TMEFF2: variants seen among roughly 807,000 people sequenced by gnomAD.
TMEFF2 encodes the protein transmembrane protein with EGF like and two follistatin like domains 2.
TMEFF2 carries 28 observed loss-of-function variants against 53.8 expected under a neutral mutation model. The ratio of observed to expected loss-of-function variants is 0.52; its 90% confidence interval spans 0.39 to 0.71. The LOEUF (loss-of-function observed/expected upper bound fraction) is 0.71, where lower values mean the gene tolerates loss of function less well. Among genes scored for constraint, TMEFF2 ranks in the 30% least tolerant of loss-of-function variants. The pLI is 0.00. For synonymous variants in TMEFF2, 162 were observed against 166.3 expected (o/e 0.97, Z 0.20); for missense variants, 353 against 455.2 (o/e 0.78, Z 2.04).
intron 4 of TMEFF2, among the ~76,000 whole-genome samples, chr2:192,137,889 A>AC (rs1190722534): frequency 4.0e-5 from 6 of 151,394 alleles, no homozygotes; most frequent in African/African-American, 1.5e-4. Context: ...TGCAACCTCC[A>AC]CCCCCACAGT....
intron 5 of TMEFF2, among the ~76,000 whole-genome samples, chr2:192,045,283 T>C (rs1174732202): frequency 1.3e-5 from 2 of 152,212 alleles, no homozygotes; most frequent in Non-Finnish European, 2.9e-5. Context: ...ATTGTTCACT[T>C]TGCTTGGGAG....
chr2:192,074,680 T>C (rs1688366384), intron 4 of TMEFF2, among the ~76,000 whole-genome samples: 1 of 151,940 alleles, frequency 6.6e-6, no homozygotes, highest in South Asian at 2.1e-4. Context: ...TTTCAACTGG[T>C]CAACAGCAAC....
chr2:191,987,509 C>T (rs1426303503), intron 7 of TMEFF2, among the ~76,000 whole-genome samples: 1 of 151,962 alleles, frequency 6.6e-6, no homozygotes, highest in Non-Finnish European at 1.5e-5. Context: ...GGGGCTCAAG[C>T]TATCCTATCA....
At chr2:192,020,748 A>C (rs1335970707) in intron 5 of TMEFF2, among the ~76,000 whole-genome samples, 1 of 152,128 alleles carries the variant, frequency 6.6e-6, no homozygotes, top group Non-Finnish European at 1.5e-5. Flanking sequence ...GCATTCCATT[A>C]AAAGTTTTTA....
chr2:191,949,456 T>A lies in TMEFF2; in HGVS notation c.*855A>T, dbSNP rs907212970. 1.3e-5 allele frequency: 13 copies of A among 985,298 alleles called. No individual in the cohort carries two copies. Among genetic ancestry groups the A allele is most frequent in the Non-Finnish European group, 1.4e-5 (12 of 829,894 alleles). The allele number at this position is 985,298 out of a possible 1,614,324, so 61.0% of individuals were successfully genotyped here. A position where few individuals can be genotyped will look rare whatever the true frequency, so the allele number is the denominator to read the frequency against. ...TACTATACATATTGTATGGTGCTTTTGAGAATTCACGATTTTGGTGTTTCA... is the reference window on the plus strand; with the variant it reads ...TACTATACATATTGTATGGTGCTTTAGAGAATTCACGATTTTGGTGTTTCA... On this transcript the variant is annotated 3_prime_UTR_variant, in exon 10 of 10. Transcript: ENST00000272771.
chr2:192,184,616 G>A lies in TMEFF2; in HGVS notation c.283-133C>T. 2.6e-6 allele frequency: 3 copies of A among 1,172,030 alleles called. No individual in the cohort carries two copies. In the South Asian group the frequency reaches 5.4e-5, roughly 21 times the overall value. The allele number at this position is 1,172,030 out of a possible 1,614,324, so 72.6% of individuals were successfully genotyped here. A position where few individuals can be genotyped will look rare whatever the true frequency, so the allele number is the denominator to read the frequency against. On this transcript the variant is annotated intron_variant, in intron 2 of 9. Transcript: ENST00000272771. Reference sequence around the variant, plus strand: ...CAATGATTCTAATTGTGTCCAATAAGTCTTTATAAGGGCATCATTGAAAGA... The same window carrying A: ...CAATGATTCTAATTGTGTCCAATAAATCTTTATAAGGGCATCATTGAAAGA...
intron 4 of TMEFF2, among the ~76,000 whole-genome samples, chr2:192,098,757 A>G (rs1237971618): frequency 2.0e-5 from 3 of 152,200 alleles, no homozygotes; most frequent in Non-Finnish European, 4.4e-5. Flanking sequence ...CAGGATGGCT[A>G]AAAGCACATC....
At chr2:192,096,071 A>G (rs1688895617) in intron 4 of TMEFF2, among the ~76,000 whole-genome samples, 1 of 152,184 alleles carries the variant, frequency 6.6e-6, no homozygotes, top group Non-Finnish European at 1.5e-5. Context: ...ACTGCTCTAC[A>G]GAACACTTAC....
chr2:192,077,765 T>C (rs1028887876), intron 4 of TMEFF2, among the ~76,000 whole-genome samples: 1 of 151,956 alleles, frequency 6.6e-6, no homozygotes, highest in Non-Finnish European at 1.5e-5. Flanking sequence ...TATGTGTTCA[T>C]ATATACTTGT....
At chr2:192,132,004 T>A (rs1485275254) in intron 4 of TMEFF2, among the ~76,000 whole-genome samples, 3 of 152,010 alleles carry the variant, frequency 2.0e-5, no homozygotes, top group Admixed American at 1.3e-4. Flanking sequence ...TCGTCCCAAA[T>A]CTTCCTTCTT....
chr2:192,036,236 T>C lies in TMEFF2; in HGVS notation c.536+21443A>G, dbSNP rs943671431. ...AGAGGTTACATTCCAGTTAAGGAGATTGCATATCCATATTTCCAGAAGTAC... is the reference window on the plus strand; with the variant it reads ...AGAGGTTACATTCCAGTTAAGGAGACTGCATATCCATATTTCCAGAAGTAC... On this transcript the variant is annotated intron_variant, in intron 5 of 9. Coordinates refer to ENST00000272771, the MANE Select transcript of TMEFF2 (RefSeq NM_016192.4). 3.3e-5 allele frequency: 5 copies of C among 152,228 alleles called. No individual in the cohort carries two copies. The East Asian group carries it at 5.8e-4, about 18-fold the overall frequency. 9.4% of individuals were successfully genotyped at this position (152,228 alleles called of 1,614,324 possible).
At chr2:192,057,097 G>T (rs1687927867) in intron 5 of TMEFF2, among the ~76,000 whole-genome samples, 1 of 152,136 alleles carries the variant, frequency 6.6e-6, no homozygotes, top group Non-Finnish European at 1.5e-5. Context: ...AGGCTGGAAT[G>T]CAATGGCATG....
intron 4 of TMEFF2, among the ~76,000 whole-genome samples, chr2:192,158,960 C>G (rs1690571414): frequency 1.3e-5 from 2 of 152,034 alleles, no homozygotes; most frequent in Non-Finnish European, 2.9e-5. Context: ...GTCGAGCGAT[C>G]ATTTTTTTCT....
intron 4 of TMEFF2, among the ~76,000 whole-genome samples, chr2:192,092,933 T>C (rs539741098): frequency 6.6e-6 from 1 of 152,264 alleles, no homozygotes; most frequent in African/African-American, 2.4e-5. Flanking sequence ...TTTGGACTTC[T>C]GACATCCGGG....
At chr2:191,952,217 G>A (rs1261922839) in intron 9 of TMEFF2, among the ~76,000 whole-genome samples, 3 of 152,170 alleles carry the variant, frequency 2.0e-5, no homozygotes, top group African/African-American at 7.2e-5. Flanking sequence ...CACATAATAT[G>A]TGCTTACACA....
At chr2:192,069,165 G>A (rs1228654465) in intron 4 of TMEFF2, among the ~76,000 whole-genome samples, 1 of 151,614 alleles carries the variant, frequency 6.6e-6, no homozygotes, top group African/African-American at 2.4e-5. Context: ...GGCTCTAGGT[G>A]GTAGAGTCAG....
Position 192,072,559 on chromosome 2 carries a change from T to C in TMEFF2, c.440-14784A>G, listed in dbSNP as rs1053916658. ...AATGCTGCTTAGATTTCTTCATGCA[T>C]ATTCGTATTTTTAGATTAGATAAAA... is the stretch of plus-strand genomic sequence containing the variant. On this transcript the variant is annotated intron_variant, in intron 4 of 9. Coordinates refer to ENST00000272771, the MANE Select transcript of TMEFF2 (RefSeq NM_016192.4). 1.5e-4 allele frequency among the ~76,000 whole-genome samples: 19 copies of C among 122,632 alleles called. No homozygotes were observed. The Admixed American group carries it at 1.7e-3, about 11-fold the overall frequency. The allele number at this position is 122,632 out of a possible 152,430, so 80.5% of individuals were successfully genotyped here.
chr2:192,123,439 G>A (rs1689606693), intron 4 of TMEFF2, among the ~76,000 whole-genome samples: 1 of 152,132 alleles, frequency 6.6e-6, no homozygotes, highest in African/African-American at 2.4e-5. Context: ...AATCTTTGAA[G>A]TTAAAAATAT....
intron 7 of TMEFF2, among the ~76,000 whole-genome samples, chr2:191,959,095 T>G (rs1399906010): frequency 6.6e-6 from 1 of 152,178 alleles, no homozygotes; most frequent in Non-Finnish European, 1.5e-5. Flanking sequence ...TTAAATTATA[T>G]AAAAATTATA....
Sources: gnomAD v4.1 joint callset for allele counts (sites outside exome capture counted in the v4.1 genomes callset) on GRCh38, gnomAD v4.1.1 for gene constraint, MANE v1.5 for transcripts, NCBI Gene and HGNC (gene_info 2026-07-23, HGNC 2026-07-21) for gene names.